CAST: variants seen among roughly 807,000 people sequenced by gnomAD.
CAST encodes calpastatin, also known as MIR583 host.
Under a neutral mutation model 119.6 loss-of-function variants are expected in CAST, and 76 were observed. The ratio of observed to expected loss-of-function variants is 0.64; its 90% CI spans 0.53 to 0.77. The LOEUF (loss-of-function observed/expected upper bound fraction) is 0.77, where lower values mean the gene tolerates loss of function less well. Among genes scored for constraint, CAST ranks in the 30% least tolerant of loss-of-function variants. The pLI, the probability that CAST is intolerant of heterozygous loss-of-function variation, is 0.00. For synonymous variants in CAST, 319 were observed against 331.6 expected (o/e 0.96, Z 0.41); for missense variants, 953 against 946.5 (o/e 1.01, Z -0.09).
the CAST span, among the ~76,000 whole-genome samples, chr5:96,301,622 C>T: frequency 6.6e-6 from 1 of 152,140 alleles, no homozygotes; most frequent in Non-Finnish European, 1.5e-5. Context: ...AGGGAGAAAT[C>T]AGCCGAAACA....
chr5:96,440,383 C>T, the CAST span, among the ~76,000 whole-genome samples: 2 of 152,124 alleles, frequency 1.3e-5, no homozygotes, highest in Admixed American at 1.3e-4. Context: ...TTCAGACCTA[C>T]CCACGCTGCA....
At chr5:96,500,370 T>C in the CAST span, among the ~76,000 whole-genome samples, 1 of 152,220 alleles carries the variant, frequency 6.6e-6, no homozygotes, top group African/African-American at 2.4e-5. Context: ...AATATATTTA[T>C]TAACAGTTCT....
the CAST span, among the ~76,000 whole-genome samples, chr5:96,402,715 T>C: frequency 2.0e-5 from 3 of 152,134 alleles, no homozygotes; most frequent in African/African-American, 7.2e-5. Context: ...AAAGGCTCAA[T>C]GCTTTCATTT....
the CAST span, among the ~76,000 whole-genome samples, chr5:96,512,512 C>T: frequency 5.9e-5 from 9 of 152,156 alleles, no homozygotes; most frequent in Non-Finnish European, 1.2e-4. Flanking sequence ...GAATGACTGA[C>T]GGATAGTGGT....
chr5:96,287,564 G>T, the CAST span, among the ~76,000 whole-genome samples: 1 of 151,968 alleles, frequency 6.6e-6, no homozygotes, highest in Non-Finnish European at 1.5e-5. Context: ...CTTCCCTGTG[G>T]TATTAACGGG....
the CAST span, among the ~76,000 whole-genome samples, chr5:96,384,112 C>T: frequency 1.3e-5 from 2 of 152,092 alleles, no homozygotes; most frequent in Non-Finnish European, 2.9e-5. Flanking sequence ...GAGGTATGTA[C>T]AGAGAAGAGG....
chr5:96,408,162 G>T, the CAST span: 2 of 1,193,290 alleles, frequency 1.7e-6, no homozygotes, highest in Non-Finnish European at 2.5e-6. Context: ...AAAAAAAAGT[G>T]TTATTAAAAA....
chr5:96,519,527 G>A, the CAST span, among the ~76,000 whole-genome samples: 38 of 152,188 alleles, frequency 2.5e-4, no homozygotes, highest in South Asian at 6.2e-4. Flanking sequence ...AAAGTTTGTC[G>A]CAAAATATGT....
chr5:96,453,972 G>A, the CAST span, among the ~76,000 whole-genome samples: 1 of 152,180 alleles, frequency 6.6e-6, no homozygotes, highest in Admixed American at 6.5e-5. Flanking sequence ...GCTGGCCTTG[G>A]TTGGTTCTAC....
chr5:96,144,870 G>A, the CAST span, among the ~76,000 whole-genome samples: 4 of 151,924 alleles, frequency 2.6e-5, no homozygotes, highest in African/African-American at 7.3e-5. Context: ...TGGTAGAGAC[G>A]AGGTTTCACC....
chr5:96,262,032 A>G, the CAST span, among the ~76,000 whole-genome samples: 1 of 152,260 alleles, frequency 6.6e-6, no homozygotes, highest in South Asian at 2.1e-4. Flanking sequence ...TAGCTAATAA[A>G]TGATCAAATT....
the CAST span, among the ~76,000 whole-genome samples, chr5:96,301,051 A>C: frequency 6.6e-6 from 1 of 152,140 alleles, no homozygotes; most frequent in Non-Finnish European, 1.5e-5. Context: ...TATGAAGAAA[A>C]GCAGTTTAAT....
the CAST span, among the ~76,000 whole-genome samples, chr5:96,361,223 C>A: frequency 6.6e-6 from 1 of 152,214 alleles, no homozygotes; most frequent in Non-Finnish European, 1.5e-5. Context: ...GACTGCTCTG[C>A]TGGCAGCAAG....
the CAST span, among the ~76,000 whole-genome samples, chr5:96,004,782 A>G: frequency 1.3e-5 from 2 of 152,254 alleles, no homozygotes; most frequent in Non-Finnish European, 2.9e-5. Context: ...TTTTGAATAT[A>G]GAAAACAGAG....
At chr5:96,366,661 C>T in the CAST span, among the ~76,000 whole-genome samples, 1 of 152,140 alleles carries the variant, frequency 6.6e-6, no homozygotes, top group Non-Finnish European at 1.5e-5. Flanking sequence ...GTTCTTGTGC[C>T]ATGGTTTTCA....
the CAST span, among the ~76,000 whole-genome samples, chr5:96,382,348 G>A: frequency 6.6e-6 from 1 of 152,052 alleles, no homozygotes. Context: ...GTAAAGTGGG[G>A]GATAATAATA....
chr5:95,978,493 G>T, the CAST span, among the ~76,000 whole-genome samples: 1 of 151,844 alleles, frequency 6.6e-6, no homozygotes, highest in Admixed American at 6.6e-5. Context: ...TTTTTATGTG[G>T]TTGTTTTTTT....
the CAST span, among the ~76,000 whole-genome samples, chr5:96,206,523 G>T: frequency 6.6e-6 from 1 of 151,994 alleles, no homozygotes; most frequent in African/African-American, 2.4e-5. Flanking sequence ...TCTGCATATG[G>T]CTAGCCAGTT....
At chr5:96,129,744 G>T in the CAST span, among the ~76,000 whole-genome samples, 3 of 151,888 alleles carry the variant, frequency 2.0e-5, no homozygotes, top group Non-Finnish European at 4.4e-5. Context: ...ATATGACTTT[G>T]GTGAAAAGGA....
Sources: gnomAD v4.1 joint callset for allele counts (sites outside exome capture counted in the v4.1 genomes callset) on GRCh38, gnomAD v4.1.1 for gene constraint, MANE v1.5 for transcripts, NCBI Gene and HGNC (gene_info 2026-07-23, HGNC 2026-07-21) for gene names.